SCAP: variants seen among roughly 807,000 people sequenced by gnomAD.
SCAP encodes sterol regulatory element-binding protein cleavage-activating protein.
In SCAP, 65 loss-of-function variants were observed where a neutral mutation model predicts 123.6. The observed-to-expected ratio is 0.53, with a 90% confidence interval of 0.43 to 0.65. The LOEUF (loss-of-function observed/expected upper bound fraction) is 0.65. Among genes scored for constraint, SCAP ranks in the 30% least tolerant of loss-of-function variants. The pLI is 0.00. For missense variants in SCAP, 1,398 were observed against 1,712.5 expected (o/e 0.82, Z 3.24); for synonymous variants, 740 against 726.3 (o/e 1.02, Z -0.30).
At position 47,414,626 on chromosome 3, in the gene SCAP, G is replaced by A; in HGVS notation, c.3333C>T (p.Cys1111=). The change falls in exon 21 of 23, where the codon TGC becomes TGT. Residue 1111 remains cysteine, a synonymous_variant. Coordinates refer to ENST00000265565, the MANE Select transcript of SCAP (RefSeq NM_012235.4). ...CTGAGTGGCCCTGAAGGGTGAAGAGGCAGCACGAGTCCTCCAGACGGAACA... is the reference window on the plus strand; with the variant it reads ...CTGAGTGGCCCTGAAGGGTGAAGAGACAGCACGAGTCCTCCAGACGGAACA... ...LRVFRLEDSC[C]LFTLQGHSGA... The A allele has an allele frequency of 1.2e-6, 2 of 1,613,392 alleles. No individual in the cohort carries two copies. The highest frequency in any genetic ancestry group is 1.7e-5 in the Admixed American group (1 of 60,026).
intron 1 of SCAP, among the ~76,000 whole-genome samples, chr3:47,456,173 CAG>C (rs1327971909): frequency 6.6e-6 from 1 of 152,124 alleles, no homozygotes; most frequent in Non-Finnish European, 1.5e-5. Context: ...GAAGTCAAGG[CAG>C]ACAGATCACT....
Position 47,421,041 on chromosome 3 carries a change from G to A in SCAP, c.1246-12C>T. ...AAGAGACAGAACTCCTGGAATCAGAGCACATGGGGATGGGGGGGTGCCGTG... is the reference window on the plus strand; with the variant it reads ...AAGAGACAGAACTCCTGGAATCAGAACACATGGGGATGGGGGGGTGCCGTG... On this transcript the variant is annotated splice_polypyrimidine_tract_variant and intron_variant, in intron 10 of 22. Transcript: ENST00000265565. The A allele has an allele frequency of 1.2e-6, 2 of 1,607,888 alleles. No homozygotes were observed. The highest frequency in any genetic ancestry group is 1.7e-6 in the Non-Finnish European group (2 of 1,174,502).
At chr3:47,417,259 C>A (rs768681076) in intron 17 of SCAP, 45 bp downstream of exon 17, 191 of 1,612,262 alleles carry the variant, frequency 1.2e-4, no homozygotes, top group Non-Finnish European at 1.6e-4. Context: ...CCCACAATCC[C>A]CGGGGCGGAC....
At chr3:47,417,024 G>T in intron 18 of SCAP, 98 bp downstream of exon 18, 1 of 1,044,890 alleles carries the variant, frequency 9.6e-7, no homozygotes, top group Non-Finnish European at 1.4e-6. Context: ...GAATCATACA[G>T]TACAGCAGTT....
intron 2 of SCAP, among the ~76,000 whole-genome samples, chr3:47,442,322 C>T (rs1008510647): frequency 3.3e-5 from 5 of 152,140 alleles, no homozygotes; most frequent in African/African-American, 4.8e-5. Flanking sequence ...CAGACAGGAA[C>T]AAGGGCAGCT....
Position 47,413,757 on chromosome 3 carries a change from G to C in SCAP, c.*97C>G. 4 of 1,468,636 alleles carry C rather than the reference G, an allele frequency of 2.7e-6. No homozygotes were observed. Among genetic ancestry groups the C allele is most frequent in the Non-Finnish European group, 3.7e-6 (4 of 1,087,768 alleles). The allele number at this position is 1,468,636 out of a possible 1,614,324, so 91.0% of individuals were successfully genotyped here. A position where few individuals can be genotyped will look rare whatever the true frequency, so the allele number is the denominator to read the frequency against. The stretch of plus-strand genomic sequence containing the variant: ...ATATTATTACAGTCAGGAGGCAGCG[G>C]CTGGAAGATACTCGGCTCTTTCCCC... On this transcript the variant is annotated 3_prime_UTR_variant, in exon 23 of 23. Transcript: ENST00000265565.
chr3:47,419,387 T>C lies in SCAP; in HGVS notation c.1881A>G (p.Lys627=), dbSNP rs554832925. The part of the protein sequence containing the change: ...WGPEDEELWR[K]LSFRHWPTLF... ...GCGTCGGCCAGTGGCGGAAGGACAA[T>C]TTCCTCCAAAGTTCCTCATCCTCAG... Residue 627 remains lysine (K), a synonymous_variant, in exon 13 of 23, where the codon AAA becomes AAG. Coordinates refer to ENST00000265565, the MANE Select transcript of SCAP (RefSeq NM_012235.4). The surrounding 1 kb of genome is among the most constrained non-coding windows in gnomAD (Gnocchi z 5.0). 16 of 1,610,930 alleles carry C rather than the reference T, an allele frequency of 9.9e-6. No homozygotes were observed. The African/African-American group carries it at 2.0e-4, about 20-fold the overall frequency.
At position 47,422,478 on chromosome 3, in the gene SCAP, G is replaced by A. The variant is rs758226685; in HGVS notation, c.1209C>T (p.Ile403=). 2.5e-6 allele frequency: 4 copies of A among 1,613,872 alleles called. No individual in the cohort carries two copies. In the South Asian group the frequency reaches 4.4e-5, roughly 18 times the overall value. The change falls in exon 10 of 23, where the codon ATC becomes ATT. Residue 403 remains isoleucine (I), a synonymous_variant. Transcript: ENST00000265565. ...MKNMATELGI[I]LIGYFTLVPA... The stretch of plus-strand genomic sequence containing the variant: ...GCACTAGGGTGAAGTAGCCGATGAG[G>A]ATGATGCCCAGCTCCGTGGCCATGT...
intron 1 of SCAP, among the ~76,000 whole-genome samples, chr3:47,452,665 T>G (rs1707268163): frequency 6.6e-6 from 1 of 152,196 alleles, no homozygotes; most frequent in African/African-American, 2.4e-5. Context: ...CAGAAATCTC[T>G]ATTTAACACA....
rs1705470644 is a variant in SCAP, at chr3:47,414,473, C to G, written c.3388-87G>C. On this transcript the variant is annotated intron_variant, in intron 21 of 22. Coordinates refer to ENST00000265565, the MANE Select transcript of SCAP (RefSeq NM_012235.4). ...TCCCTGTGCCCCAGTGGGTGGGGCCCTGACTGCTTCCTGGAAGGCCCCTGG... is the reference window on the plus strand; with the variant it reads ...TCCCTGTGCCCCAGTGGGTGGGGCCGTGACTGCTTCCTGGAAGGCCCCTGG... 4 of 1,599,100 alleles carry G rather than the reference C, an allele frequency of 2.5e-6. No homozygotes were observed. In the Admixed American group the frequency reaches 6.7e-5, roughly 27 times the overall value.
chr3:47,423,790 G>C, intron 9 of SCAP, 143 bp downstream of exon 9: 2 of 650,884 alleles, frequency 3.1e-6, no homozygotes, highest in Non-Finnish European at 5.5e-6. Context: ...CCAGGGCCCA[G>C]TGGCCCACTG....
In SCAP at chr3:47,427,545, C is replaced by T; in HGVS notation, c.533G>A (p.Trp178Ter). The T allele has an allele frequency of 6.2e-7, 1 of 1,614,158 alleles. No homozygotes were observed. Among genetic ancestry groups the T allele is most frequent in the South Asian group, 1.1e-5 (1 of 91,082 alleles). ...ATGGAAGCGTTCCCAGTCATTCTGCCAGAAGTTCCCAGGGGACAGCAGCAG... is the reference window on the plus strand; with the variant it reads ...ATGGAAGCGTTCCCAGTCATTCTGCTAGAAGTTCCCAGGGGACAGCAGCAG... ...GCLLLSPGNF[W>*]QNDWERFHAD... Residue 178 changes from tryptophan (W) to a stop codon, truncating the protein, a stop_gained, in exon 5 of 23, where the codon TGG becomes TAG. Transcript: ENST00000265565. LOFTEE classifies it high-confidence loss of function.
intron 1 of SCAP, among the ~76,000 whole-genome samples, chr3:47,443,851 C>T (rs917665117): frequency 6.6e-6 from 1 of 152,132 alleles, no homozygotes; most frequent in Non-Finnish European, 1.5e-5. Context: ...CAAGGTGCCC[C>T]GTGCCGACCC....
At chr3:47,427,709 C>G (rs746273150) in intron 4 of SCAP, 42 bp from the exon 5 acceptor site, 1 of 1,534,220 alleles carries the variant, frequency 6.5e-7, no homozygotes, top group Non-Finnish European at 9.0e-7. Flanking sequence ...TGTCTGCCAC[C>G]ACAGGGCAGA....
In SCAP at chr3:47,420,226, G is replaced by A. The variant is rs752006380; in HGVS notation, c.1563+328C>T. Among the ~76,000 whole-genome samples the A allele has an allele frequency of 6.6e-6, 1 of 152,208 alleles. No individual in the cohort carries two copies. Among genetic ancestry groups the A allele is most frequent in the Non-Finnish European group, 1.5e-5 (1 of 68,028 alleles). ...GTCTGCACACCATGCAGCGGCCGATGAACCCGACCCAGGGCAATGTGGTGG... is the reference window on the plus strand; with the variant it reads ...GTCTGCACACCATGCAGCGGCCGATAAACCCGACCCAGGGCAATGTGGTGG... On this transcript the variant is annotated intron_variant, in intron 12 of 22. Transcript: ENST00000265565. The surrounding 1 kb of genome is among the most constrained non-coding windows in gnomAD (Gnocchi z 5.0).
At chr3:47,454,912 C>G (rs1480170126) in intron 1 of SCAP, among the ~76,000 whole-genome samples, 1 of 151,440 alleles carries the variant, frequency 6.6e-6, no homozygotes, top group African/African-American at 2.4e-5. Context: ...ATTTAACCAT[C>G]ATTATTTATT....
At chr3:47,429,057 C>A in intron 3 of SCAP, 1 of 185,936 alleles carries the variant, frequency 5.4e-6, no homozygotes, top group South Asian at 1.1e-4. Context: ...CAAAGACTTC[C>A]CAGAAATCAC....
In SCAP at chr3:47,421,386, G is replaced by A. The variant is rs79022527; in HGVS notation, c.1246-357C>T. On this transcript the variant is annotated intron_variant, in intron 10 of 22. Transcript: ENST00000265565. ...AAAAGTCCTTCCCCACTGAGCCCCCGCCCTGCTCATGCATCACCAACCCAG... is the reference window on the plus strand; with the variant it reads ...AAAAGTCCTTCCCCACTGAGCCCCCACCCTGCTCATGCATCACCAACCCAG... 3.5e-3 allele frequency: 896 copies of A among 253,186 alleles called. 37 individuals are homozygous for A. In the East Asian group the frequency reaches 0.071, roughly 20 times the overall value. The allele number at this position is 253,186 out of a possible 1,614,324, so 15.7% of individuals were successfully genotyped here. A position where few individuals can be genotyped will look rare whatever the true frequency, so the allele number is the denominator to read the frequency against.
intron 2 of SCAP, among the ~76,000 whole-genome samples, chr3:47,440,495 A>C (rs1018293590): frequency 5.3e-5 from 8 of 152,204 alleles, no homozygotes; most frequent in Admixed American, 5.2e-4. Context: ...GGTTTTAAGA[A>C]AAAAACAAAA....
Sources: gnomAD v4.1 joint callset for allele counts (sites outside exome capture counted in the v4.1 genomes callset) on GRCh38, gnomAD v4.1.1 for gene constraint, Gnocchi (gnomAD v3.1) non-coding constraint, MANE v1.5 for transcripts, NCBI Gene and HGNC (gene_info 2026-07-23, HGNC 2026-07-21) for gene names.